The following PDE4B variants were observed in gnomAD, a reference collection of about 807,000 sequenced individuals.
PDE4B encodes the protein phosphodiesterase 4B.
In PDE4B, 20 loss-of-function variants were observed where a neutral mutation model predicts 82.2. The observed-to-expected ratio is 0.24, with a 90% CI of 0.17 to 0.35. PDE4B has a LOEUF of 0.35. Among genes scored for constraint, PDE4B ranks in the 10% least tolerant of loss-of-function variants. PDE4B has a pLI of 1.00. For missense variants in PDE4B, 655 were observed against 907.2 expected, an observed-to-expected ratio of 0.72 and a Z score of 3.57; for synonymous variants, 320 against 318.9, an observed-to-expected ratio of 1.00 and a Z score of -0.04.
intron 9 of PDE4B, among the ~76,000 whole-genome samples, chr1:66,359,838 A>C (rs1325505695): frequency 6.6e-6 from 1 of 152,244 alleles, no homozygotes; most frequent in Non-Finnish European, 1.5e-5. Flanking sequence ...GTTTTATGCC[A>C]GAGATTGTGT....
At chr1:65,884,538 C>A (rs1251455937) in intron 1 of PDE4B, among the ~76,000 whole-genome samples, 2 of 151,992 alleles carry the variant, frequency 1.3e-5, no homozygotes, top group African/African-American at 4.8e-5. Context: ...CAGAACAGAG[C>A]CCTCAGAAAT....
chr1:66,233,996 A>C (rs912835615), intron 3 of PDE4B, among the ~76,000 whole-genome samples: 1 of 152,168 alleles, frequency 6.6e-6, no homozygotes, highest in Non-Finnish European at 1.5e-5. Context: ...TGATTTTTAT[A>C]TGGGAGAAAC....
chr1:65,878,450 T>C (rs1646673096), intron 1 of PDE4B, among the ~76,000 whole-genome samples: 1 of 152,230 alleles, frequency 6.6e-6, no homozygotes, highest in African/African-American at 2.4e-5. Context: ...ATTGCTGCAC[T>C]ATTTACAATT....
At chr1:66,283,344 T>G (rs1322652130) in intron 7 of PDE4B, among the ~76,000 whole-genome samples, 1 of 151,702 alleles carries the variant, frequency 6.6e-6, no homozygotes, top group Non-Finnish European at 1.5e-5. Flanking sequence ...ATTGCCGTTA[T>G]TGTTACTATT....
chr1:65,924,327 G>T (rs895193692), intron 3 of PDE4B, among the ~76,000 whole-genome samples: 1 of 151,054 alleles, frequency 6.6e-6, no homozygotes, highest in Non-Finnish European at 1.5e-5. Context: ...GCCCGCCTCG[G>T]CCTCCCAAAG....
intron 3 of PDE4B, among the ~76,000 whole-genome samples, chr1:66,006,432 C>A (rs1652153968): frequency 6.6e-6 from 1 of 152,102 alleles, no homozygotes; most frequent in African/African-American, 2.4e-5. Flanking sequence ...ATTAATTTTT[C>A]ACAGATACAA....
At chr1:66,210,068 T>C (rs549462712) in intron 3 of PDE4B, among the ~76,000 whole-genome samples, 2 of 152,236 alleles carry the variant, frequency 1.3e-5, no homozygotes, top group Admixed American at 6.5e-5. Flanking sequence ...GATTCTCTGA[T>C]TGTTCTTCAT....
At position 66,187,971 on chromosome 1, in the gene PDE4B, T is replaced by G. The variant is rs929540183; in HGVS notation, c.282-59489T>G. Among the ~76,000 whole-genome samples the G allele has an allele frequency of 2.3e-3, 345 of 149,514 alleles. 1 individual carries two copies. The highest frequency in any genetic ancestry group is 6.5e-3 in the African/African-American group (265 of 40,842). On this transcript the variant is annotated intron_variant, in intron 3 of 16. Coordinates refer to ENST00000341517, the MANE Select transcript of PDE4B (RefSeq NM_002600.4). The stretch of plus-strand genomic sequence containing the variant: ...TTTCCTGCTTTCTCTTGTGGGCATT[T>G]AGTGCTATAAATTTCCCTCTACACA...
At chr1:66,328,952 A>T (rs567896340) in intron 7 of PDE4B, among the ~76,000 whole-genome samples, 1 of 152,356 alleles carries the variant, frequency 6.6e-6, no homozygotes, top group South Asian at 2.1e-4. Flanking sequence ...TACCCTTAGC[A>T]GTATGCTAAG....
chr1:66,272,779 CTTTTTTTTTTTT>C (rs869201227), intron 7 of PDE4B, among the ~76,000 whole-genome samples: 36 of 61,676 alleles, frequency 5.8e-4, no homozygotes, highest in Middle Eastern at 0.021. Context: ...TACTAGAATT[CTTTTTTTTTTTT>C]TTTTTTTTTT....
intron 7 of PDE4B, among the ~76,000 whole-genome samples, chr1:66,268,347 A>C (rs1250087940): frequency 2.0e-5 from 3 of 152,228 alleles, no homozygotes; most frequent in Non-Finnish European, 2.9e-5. Flanking sequence ...TATTAAATGG[A>C]TACATCAAAG....
chr1:65,935,708 G>A (rs1015426689), intron 3 of PDE4B, among the ~76,000 whole-genome samples: 3 of 152,266 alleles, frequency 2.0e-5, no homozygotes, highest in South Asian at 4.1e-4. Flanking sequence ...TTGGCAAGCT[G>A]AGGTGGGTGG....
chr1:65,917,008 G>T (rs1647168908), intron 2 of PDE4B, among the ~76,000 whole-genome samples: 1 of 152,104 alleles, frequency 6.6e-6, no homozygotes, highest in African/African-American at 2.4e-5. Context: ...GGTATGGAGG[G>T]TGGGGCTCCT....
intron 1 of PDE4B, among the ~76,000 whole-genome samples, chr1:65,902,933 G>T (rs763089885): frequency 5.9e-5 from 9 of 152,112 alleles, no homozygotes; most frequent in Non-Finnish European, 1.2e-4. Context: ...AACAAACTGT[G>T]GACCAAAAGC....
chr1:66,308,967 C>A (rs902045644), intron 7 of PDE4B, among the ~76,000 whole-genome samples: 1 of 152,096 alleles, frequency 6.6e-6, no homozygotes, highest in Non-Finnish European at 1.5e-5. Flanking sequence ...AAAGAAGGTT[C>A]AAAATTTAGT....
chr1:66,220,186 A>G (rs1234633466), intron 3 of PDE4B, among the ~76,000 whole-genome samples: 4 of 152,172 alleles, frequency 2.6e-5, no homozygotes, highest in Non-Finnish European at 5.9e-5. Context: ...ACAAGATTGG[A>G]TGTTTCACTT....
intron 2 of PDE4B, among the ~76,000 whole-genome samples, chr1:65,915,994 G>A (rs1447229148): frequency 6.6e-6 from 1 of 152,154 alleles, no homozygotes; most frequent in Non-Finnish European, 1.5e-5. Context: ...TCACAAATCA[G>A]TAATTGAGAA....
At chr1:66,027,365 A>G (rs1210241839) in intron 3 of PDE4B, among the ~76,000 whole-genome samples, 2 of 152,150 alleles carry the variant, frequency 1.3e-5, no homozygotes, top group Non-Finnish European at 2.9e-5. Flanking sequence ...CCATGAGTCA[A>G]TTACCTCCCC....
intron 9 of PDE4B, among the ~76,000 whole-genome samples, chr1:66,360,267 T>G (rs1357699626): frequency 6.6e-6 from 1 of 151,982 alleles, no homozygotes; most frequent in Non-Finnish European, 1.5e-5. Flanking sequence ...AATACTGATA[T>G]GTTAGGGATG....
Sources: gnomAD v4.1 joint callset for allele counts (sites outside exome capture counted in the v4.1 genomes callset) on GRCh38, gnomAD v4.1.1 for gene constraint, MANE v1.5 for transcripts, NCBI Gene and HGNC (gene_info 2026-07-23, HGNC 2026-07-21) for gene names.